Variants in ABCA3 observed in about 807,000 individuals in gnomAD.
ABCA3 encodes ATP binding cassette subfamily A member 3.
Under a neutral mutation model 172.8 loss-of-function variants are expected in ABCA3, and 88 were observed. The observed-to-expected ratio is 0.51, with a 90% CI of 0.43 to 0.61. The LOEUF (loss-of-function observed/expected upper bound fraction) is 0.61, where lower values mean the gene tolerates loss of function less well. Ranked by LOEUF, ABCA3 falls within the 20% of genes least tolerant of loss-of-function variation. ABCA3 has a pLI of 0.00. For missense variants in ABCA3, 2,164 were observed against 2,301.0 expected, an observed-to-expected ratio of 0.94 and a Z score of 1.22; for synonymous variants, 1,066 against 983.8, an observed-to-expected ratio of 1.08 and a Z score of -1.56.
rs1201082259 is a variant in ABCA3, at chr16:2,284,381, T to C, written c.3760A>G (p.Asn1254Asp). ...TLDHVFLVLPNHCLGMAVSSF... is the reference protein window; with the variant it reads ...TLDHVFLVLPDHCLGMAVSSF... ...CTGACTGCCATCCCCAGACAGTGGT[T>C]GGGCAGCACCAGGAACACGTGATCC... The change falls in exon 25 of 33, where the codon AAC becomes GAC. Residue 1254 changes from asparagine to aspartate, a missense_variant. Physicochemically the swap from Asn to Asp is conservative, Grantham distance 23. Coordinates refer to ENST00000301732, the MANE Select transcript of ABCA3 (RefSeq NM_001089.3). This position sits in a 1 kb window ranked among gnomAD's most constrained non-coding sequence, Gnocchi z 5.9. 6.2e-7 allele frequency: 1 copy of C among 1,613,876 alleles called. No individual in the cohort carries two copies. Among genetic ancestry groups the C allele is most frequent in the Non-Finnish European group, 8.5e-7 (1 of 1,180,016 alleles).
At chr16:2,327,882 G>A (rs979642637) in intron 3 of ABCA3, among the ~76,000 whole-genome samples, 15 of 152,170 alleles carry the variant, frequency 9.9e-5, no homozygotes, top group Non-Finnish European at 2.2e-4. Context: ...CACCACGCCT[G>A]ACTCATTTTT....
intron 17 of ABCA3, 27 bp from the exon 18 acceptor site, chr16:2,295,767 C>T: frequency 6.8e-6 from 11 of 1,613,512 alleles, no homozygotes; most frequent in Non-Finnish European, 9.3e-6. Flanking sequence ...CGTGTGAGAT[C>T]TTTGGCTGAT....
At chr16:2,315,839 CTTTTT>C (rs536716259) in intron 10 of ABCA3, among the ~76,000 whole-genome samples, 2 of 104,846 alleles carry the variant, frequency 1.9e-5, no homozygotes, top group African/African-American at 3.6e-5. Flanking sequence ...AATTTTTAAA[CTTTTT>C]TTTTTTTTTT....
rs1161680696 is a variant in ABCA3, at chr16:2,297,668, T to C, written c.2052+98A>G. The C allele has an allele frequency of 1.9e-6, 3 of 1,589,764 alleles. No individual in the cohort carries two copies. The highest frequency in any genetic ancestry group is 2.6e-6 in the Non-Finnish European group (3 of 1,171,832). The stretch of plus-strand genomic sequence containing the variant: ...TCCTCCAAGGATGGTGATGGCCTTG[T>C]CTGGGGTGTCAAGGGCCAAGGTGCC... On this transcript the variant is annotated intron_variant, in intron 16 of 32. Transcript: ENST00000301732. The surrounding 1 kb of genome is among the most constrained non-coding windows in gnomAD (Gnocchi z 5.6).
At chr16:2,331,913 C>T (rs184997564) in intron 1 of ABCA3, among the ~76,000 whole-genome samples, 10 of 152,316 alleles carry the variant, frequency 6.6e-5, no homozygotes, top group Admixed American at 6.5e-4. Flanking sequence ...TCCCGGGACA[C>T]AGTCAGGAAA....
At position 2,277,480 on chromosome 16, in the gene ABCA3, G is replaced by A. The variant is rs2093648289; in HGVS notation, c.4983+117C>T. On this transcript the variant is annotated intron_variant, in intron 32 of 32. Transcript: ENST00000301732. This position sits in a 1 kb window ranked among gnomAD's most constrained non-coding sequence, Gnocchi z 5.3. ...ACGTATCAGGCTGAGTGTTAGGGGA[G>A]AAATGGAAAGTGACTCCTCTGTGGA... 1 of 1,086,620 alleles carries A rather than the reference G, an allele frequency of 9.2e-7. No individual in the cohort carries two copies. The highest frequency in any genetic ancestry group is 1.4e-6 in the Non-Finnish European group (1 of 727,204). 67.3% of individuals were successfully genotyped at this position (1,086,620 alleles called of 1,614,324 possible).
chr16:2,314,671 G>C (rs1306268045), intron 10 of ABCA3, among the ~76,000 whole-genome samples: 1 of 152,044 alleles, frequency 6.6e-6, no homozygotes, highest in African/African-American at 2.4e-5. Flanking sequence ...CTGCCTCCTG[G>C]GTTCAAGCAA....
At chr16:2,317,586 GC>G in intron 9 of ABCA3, 61 bp downstream of exon 9, 1 of 1,596,472 alleles carries the variant, frequency 6.3e-7, no homozygotes, top group Non-Finnish European at 8.6e-7. Flanking sequence ...TCCCAAGAGG[GC>G]CCTCCTGGGG....
intron 20 of ABCA3, 29 bp downstream of exon 20, chr16:2,289,405 G>GGGC: frequency 2.0e-6 from 2 of 994,928 alleles, no homozygotes; most frequent in Non-Finnish European, 2.9e-6. Flanking sequence ...CCCTTCCCCC[G>GGGC]CCACCCGCCC....
At chr16:2,291,416 C>T (rs2093671761) in intron 19 of ABCA3, among the ~76,000 whole-genome samples, 2 of 151,626 alleles carry the variant, frequency 1.3e-5, no homozygotes, top group Admixed American at 6.6e-5. Context: ...TCCCAAAGTG[C>T]TGGGATGACA....
chr16:2,285,329 G>A lies in ABCA3; in HGVS notation c.3483+113C>T. 7.6e-7 allele frequency: 1 copy of A among 1,315,710 alleles called. No individual in the cohort carries two copies. Among genetic ancestry groups the A allele is most frequent in the Non-Finnish European group, 1.1e-6 (1 of 944,356 alleles). 81.5% of individuals were successfully genotyped at this position (1,315,710 alleles called of 1,614,324 possible). On this transcript the variant is annotated intron_variant, in intron 23 of 32. Transcript: ENST00000301732. This position sits in a 1 kb window ranked among gnomAD's most constrained non-coding sequence, Gnocchi z 4.7. ...GATTCCAGCTGTCCTCCCTGAGTCG[G>A]GCCGAGCTGCCGGCCTAGGGGCTGC...
Position 2,317,742 on chromosome 16 carries a change from A to G in ABCA3, c.896T>C (p.Leu299Pro). ...RLKEYMRMMGLSSWLHWSAWF... is the reference protein window; with the variant it reads ...RLKEYMRMMGPSSWLHWSAWF... ...GGCACTCCAGTGCAGCCAGCTGCTG[A>G]GCCCCATCATGCGCATGTACTCCTG... Residue 299 changes from leucine (L) to proline (P), a missense_variant, in exon 9 of 33, where the codon CTC (leucine) becomes CCC (proline). By Grantham distance (98) the Leu-to-Pro change is moderately conservative. Around this residue, in one of 3 missense-constraint regions of ABCA3, gnomAD observed 1,343 missense variants for 1,369.6 expected, o/e 0.98. Transcript: ENST00000301732. 6.2e-7 allele frequency: 1 copy of G among 1,614,218 alleles called. No individual in the cohort carries two copies. Among genetic ancestry groups the G allele is most frequent in the Non-Finnish European group, 8.5e-7 (1 of 1,180,028 alleles).
At chr16:2,325,221 C>T (rs942742747) in intron 5 of ABCA3, among the ~76,000 whole-genome samples, 3 of 152,214 alleles carry the variant, frequency 2.0e-5, no homozygotes, top group East Asian at 1.9e-4. Context: ...TGGCACCACA[C>T]GGTCAAACTG....
intron 26 of ABCA3, among the ~76,000 whole-genome samples, chr16:2,282,977 C>G (rs2141692505): frequency 6.6e-6 from 1 of 152,368 alleles, no homozygotes; most frequent in South Asian, 2.1e-4. Context: ...TCGGCAGGGG[C>G]TCACAACTCG....
chr16:2,314,802 C>T (rs1462590729), intron 10 of ABCA3, among the ~76,000 whole-genome samples: 4 of 151,738 alleles, frequency 2.6e-5, no homozygotes, highest in Admixed American at 6.6e-5. Flanking sequence ...TTTCGAACTC[C>T]CGACCTCAGA....
chr16:2,289,961 T>TCACACACACACACACACACA (rs3138606), intron 19 of ABCA3, among the ~76,000 whole-genome samples: 50 of 138,306 alleles, frequency 3.6e-4, no homozygotes, highest in African/African-American at 8.7e-4. Flanking sequence ...GTGAATTACA[T>TCACACACACACACACACACA]CACACACACA....
chr16:2,324,850 C>T (rs1236296562), intron 5 of ABCA3, among the ~76,000 whole-genome samples: 2 of 152,102 alleles, frequency 1.3e-5, no homozygotes, highest in South Asian at 4.1e-4. Context: ...GGCTCTGCAG[C>T]CCGGGGTGGC....
chr16:2,337,269 C>T (rs191816669), intron 1 of ABCA3, among the ~76,000 whole-genome samples: 54 of 151,926 alleles, frequency 3.6e-4, no homozygotes, highest in African/African-American at 1.2e-3. Flanking sequence ...GTCCATAATA[C>T]ATCAGGACAG....
At chr16:2,310,451 CCA>C (rs760583370) in intron 10 of ABCA3, among the ~76,000 whole-genome samples, 2 of 151,196 alleles carry the variant, frequency 1.3e-5, no homozygotes, top group African/African-American at 4.9e-5. Flanking sequence ...AACAAAACAC[CCA>C]CACACACACA....
Sources: allele counts gnomAD v4.1 joint callset (sites outside exome capture counted in the v4.1 genomes callset), GRCh38; gene constraint gnomAD v4.1.1; regional missense constraint gnomAD v4.1.1; non-coding constraint Gnocchi (gnomAD v3.1); transcripts MANE v1.5; gene names NCBI Gene and HGNC (gene_info 2026-07-23, HGNC 2026-07-21).